The following TM9SF3 variants were observed in gnomAD, a reference collection of about 807,000 sequenced individuals.
TM9SF3 encodes the protein SM-11044-binding protein.
In TM9SF3, 14 loss-of-function variants were observed where a neutral mutation model predicts 78.6. That is an observed-to-expected ratio of 0.18 (90% CI 0.12 to 0.28). The LOEUF is 0.28. Ranked by LOEUF, TM9SF3 falls within the 10% of genes least tolerant of loss-of-function variation. TM9SF3 has a pLI of 1.00. For synonymous variants in TM9SF3, 231 were observed against 241.7 expected, an observed-to-expected ratio of 0.96 and a Z score of 0.41; for missense variants, 496 against 721.9, an observed-to-expected ratio of 0.69 and a Z score of 3.59.
chr10:96,571,676 CAACTT>C (rs1848438024), intron 2 of TM9SF3, among the ~76,000 whole-genome samples: 1 of 152,174 alleles, frequency 6.6e-6, no homozygotes, highest in African/African-American at 2.4e-5. Flanking sequence ...GCAGTACTCT[CAACTT>C]AACAATTAAC....
intron 5 of TM9SF3, among the ~76,000 whole-genome samples, chr10:96,555,132 T>G (rs1848219548): frequency 6.6e-6 from 1 of 152,134 alleles, no homozygotes; most frequent in African/African-American, 2.4e-5. Flanking sequence ...TTCTAAAATT[T>G]ACAGTTGTAC....
At chr10:96,525,531 C>T (rs981518301) in intron 14 of TM9SF3, among the ~76,000 whole-genome samples, 8 of 151,882 alleles carry the variant, frequency 5.3e-5, no homozygotes, top group East Asian at 1.9e-4. Flanking sequence ...TCTTGGTACC[C>T]CAAAGGTGTC....
In TM9SF3 at chr10:96,551,273, C is replaced by G; in HGVS notation, c.931G>C (p.Val311Leu). Reference protein sequence around the residue: ...IFAVSLIVIIVAMIEDLYTER... With the variant: ...IFAVSLIVIILAMIEDLYTER... ...GTATATAAATCTTCTATCATTGCAACAATAATAACGATGAGAGACACAGCA... is the reference window on the plus strand; with the variant it reads ...GTATATAAATCTTCTATCATTGCAAGAATAATAACGATGAGAGACACAGCA... Residue 311 changes from valine (V) to leucine (L), a missense_variant, in exon 7 of 15, where the codon GTT (valine) becomes CTT (leucine). Val to Leu is a conservative substitution (Grantham distance 32). Transcript: ENST00000371142. The G allele has an allele frequency of 6.2e-7, 1 of 1,611,960 alleles. No homozygotes were observed. Among genetic ancestry groups the G allele is most frequent in the Non-Finnish European group, 8.5e-7 (1 of 1,179,362 alleles).
intron 10 of TM9SF3, among the ~76,000 whole-genome samples, chr10:96,531,828 G>T (rs532784278): frequency 6.6e-6 from 1 of 152,186 alleles, no homozygotes; most frequent in South Asian, 2.1e-4. Flanking sequence ...TGTGACTTCT[G>T]ACTATGCTTT....
Position 96,528,035 on chromosome 10 carries a change from G to A in TM9SF3, c.1537C>T (p.Arg513Trp), listed in dbSNP as rs12779720. 1.3e-5 allele frequency: 21 copies of A among 1,608,722 alleles called. No homozygotes were observed. Among genetic ancestry groups the A allele is most frequent in the Non-Finnish European group, 1.6e-5 (19 of 1,177,158 alleles). The change falls in exon 12 of 15, where the codon CGG becomes TGG. Residue 513 changes from arginine (R) to tryptophan (W), a missense_variant. Arg to Trp is a moderately radical substitution (Grantham distance 101). This residue lies in a region of TM9SF3 where 280 missense variants were observed against 422.6 expected (regional missense o/e 0.66). Transcript: ENST00000371142. ...TATCCACAAATAGGTACTTACCACC[G>A]GTAATCTTCTGCATTTAGTAGAAAA... Reference protein sequence around the residue: ...TYFLLNAEDYRWQWTSFLSAA... With the variant: ...TYFLLNAEDYWWQWTSFLSAA...
chr10:96,527,947 TTACTC>T, intron 12 of TM9SF3, 79 bp downstream of exon 12: 1 of 1,382,874 alleles, frequency 7.2e-7, no homozygotes, highest in Non-Finnish European at 9.9e-7. Context: ...ATACAGCTCT[TTACTC>T]CACTTGATAG....
chr10:96,564,932 G>A (rs1458841902), intron 3 of TM9SF3, among the ~76,000 whole-genome samples: 1 of 151,880 alleles, frequency 6.6e-6, no homozygotes, highest in African/African-American at 2.4e-5. Flanking sequence ...GTACCAACAT[G>A]AGAAAAAGAC....
rs752698140 is a variant in TM9SF3, at chr10:96,532,159, G to A, written c.1325+892C>T. ...CAGGAAGTGGAGCTTGCAGTGAGCC[G>A]AGATCACACCACTGCACTCCAGCCT... On this transcript the variant is annotated intron_variant, in intron 10 of 14. Transcript: ENST00000371142. 4.0e-5 allele frequency among the ~76,000 whole-genome samples: 6 copies of A among 151,304 alleles called. No homozygotes were observed. In the South Asian group the frequency reaches 1.0e-3, roughly 26 times the overall value.
chr10:96,528,320 A>G (rs1451193089), intron 11 of TM9SF3, 143 bp from the exon 12 acceptor site: 1 of 721,344 alleles, frequency 1.4e-6, no homozygotes, highest in Non-Finnish European at 2.1e-6. Context: ...TTCTCTTACC[A>G]TGTCTTCATC....
intron 14 of TM9SF3, among the ~76,000 whole-genome samples, chr10:96,525,613 G>A (rs879416212): frequency 6.6e-6 from 1 of 151,872 alleles, no homozygotes; most frequent in Admixed American, 6.6e-5. Flanking sequence ...ATAGCCAAAG[G>A]TGGAATTATC....
intron 2 of TM9SF3, among the ~76,000 whole-genome samples, chr10:96,574,614 A>T (rs756685546): frequency 1.3e-5 from 2 of 152,250 alleles, no homozygotes; most frequent in African/African-American, 4.8e-5. Flanking sequence ...CTATAAAGAT[A>T]CATACACATG....
chr10:96,532,795 A>T (rs1287658579), intron 10 of TM9SF3, among the ~76,000 whole-genome samples: 1 of 152,198 alleles, frequency 6.6e-6, no homozygotes, highest in African/African-American at 2.4e-5. Context: ...TTTAGTTCAC[A>T]CCCACTTCTA....
chr10:96,529,249 T>G (rs1315629010), intron 11 of TM9SF3, among the ~76,000 whole-genome samples: 1 of 152,172 alleles, frequency 6.6e-6, no homozygotes, highest in Non-Finnish European at 1.5e-5. Context: ...TATGCAGAGC[T>G]GGTAAGTGAC....
In TM9SF3 at chr10:96,519,146, C is replaced by A. The variant is rs56755738; in HGVS notation, c.*3117G>T. On this transcript the variant is annotated 3_prime_UTR_variant, in exon 15 of 15. Coordinates refer to ENST00000371142, the MANE Select transcript of TM9SF3 (RefSeq NM_020123.4). ...AAAATTCAAGGTTTTAATAACATTT[C>A]TTTGCAAGACATTTGGTATAAGGTG... is the stretch of plus-strand genomic sequence containing the variant. 8.0e-4 allele frequency: 122 copies of A among 152,078 alleles called. 1 individual carries two copies. In the East Asian group the frequency reaches 0.022, roughly 28 times the overall value. 9.4% of individuals were successfully genotyped at this position (152,078 alleles called of 1,614,324 possible). A position where few individuals can be genotyped will look rare whatever the true frequency, so the allele number is the denominator to read the frequency against.
chr10:96,526,197 T>C (rs79616676), intron 14 of TM9SF3, among the ~76,000 whole-genome samples: 1 of 151,968 alleles, frequency 6.6e-6, no homozygotes, highest in African/African-American at 2.4e-5. Context: ...AAGTGGGGAG[T>C]TCACACCCAG....
intron 2 of TM9SF3, among the ~76,000 whole-genome samples, chr10:96,568,611 A>C (rs9633704): frequency 0.41 from 62,714 of 152,078 alleles, 13,950 homozygotes; most frequent in South Asian, 0.55. Context: ...GAGTTCTCTA[A>C]GAACACAGTA....
intron 2 of TM9SF3, among the ~76,000 whole-genome samples, chr10:96,575,147 T>C (rs980495727): frequency 1.4e-4 from 22 of 152,174 alleles, no homozygotes; most frequent in Non-Finnish European, 2.9e-5. Context: ...TAATGAAATC[T>C]GTACACAGTA....
Position 96,577,764 on chromosome 10 carries a change from G to A in TM9SF3, c.103-935C>T, listed in dbSNP as rs112045019. ...AACTGTGTTTATAACTGAGGATACAGCTTTGAACAAGATGTGTTCCCTGTC... is the reference window on the plus strand; with the variant it reads ...AACTGTGTTTATAACTGAGGATACAACTTTGAACAAGATGTGTTCCCTGTC... On this transcript the variant is annotated intron_variant, in intron 1 of 14. Transcript: ENST00000371142. 8.4e-3 allele frequency among the ~76,000 whole-genome samples: 1,285 copies of A among 152,266 alleles called. 21 individuals are homozygous for A. The highest frequency in any genetic ancestry group is 0.03 in the African/African-American group (1,231 of 41,538).
chr10:96,550,168 A>T (rs1848150354), intron 7 of TM9SF3, among the ~76,000 whole-genome samples: 1 of 152,220 alleles, frequency 6.6e-6, no homozygotes, highest in African/African-American at 2.4e-5. Context: ...AACCAATGCT[A>T]CAGAGAAATA....
Sources: allele counts gnomAD v4.1 joint callset (sites outside exome capture counted in the v4.1 genomes callset), GRCh38; gene constraint gnomAD v4.1.1; regional missense constraint gnomAD v4.1.1; transcripts MANE v1.5; gene names NCBI Gene and HGNC (gene_info 2026-07-23, HGNC 2026-07-21).